SLC28A3: variants seen among roughly 807,000 people sequenced by gnomAD.
SLC28A3 encodes concentrative Na(+)-nucleoside cotransporter 3.
In SLC28A3, 68 loss-of-function variants were observed where a neutral mutation model predicts 84.2. The observed-to-expected ratio is 0.81, with a 90% CI of 0.66 to 0.99. The LOEUF (loss-of-function observed/expected upper bound fraction) is 0.99, where lower values mean the gene tolerates loss of function less well. Ranked by LOEUF, SLC28A3 falls within the 50% of genes least tolerant of loss-of-function variation. The pLI is 0.00. For synonymous variants in SLC28A3, 267 were observed against 303.6 expected (o/e 0.88, Z 1.25); for missense variants, 712 against 841.5 (o/e 0.85, Z 1.90).
chr9:84,287,918 G>T (rs2118126282), intron 12 of SLC28A3, 130 bp downstream of exon 12: 1 of 1,238,862 alleles, frequency 8.1e-7, no homozygotes, highest in South Asian at 1.5e-5. Flanking sequence ...AGTCTAAATA[G>T]TCTTTGGACT....
At chr9:84,292,831 G>T (rs11568419) in intron 9 of SLC28A3, 83 bp from the exon 10 acceptor site, 8 of 914,354 alleles carry the variant, frequency 8.7e-6, no homozygotes, top group Non-Finnish European at 9.6e-6. Context: ...TCCTTAAACT[G>T]GTGTAAAATA....
At chr9:84,319,654 T>G (rs1029559511) in intron 1 of SLC28A3, among the ~76,000 whole-genome samples, 1 of 152,242 alleles carries the variant, frequency 6.6e-6, no homozygotes, top group Non-Finnish European at 1.5e-5. Context: ...TGTTTATTAA[T>G]GTGTGACTAT....
intron 14 of SLC28A3, among the ~76,000 whole-genome samples, chr9:84,282,556 C>G (rs1318391199): frequency 6.6e-6 from 1 of 152,212 alleles, no homozygotes; most frequent in Admixed American, 6.5e-5. Flanking sequence ...GAAGGAACAT[C>G]CCTTTCACGG....
At position 84,288,276 on chromosome 9, in the gene SLC28A3, G is replaced by A. The variant is rs535352644; in HGVS notation, c.1150-98C>T. On this transcript the variant is annotated intron_variant, in intron 11 of 17. Transcript: ENST00000376238. ...CTCCGCAAGGGAAGAAACAGGGCAGGGGTTGTTTCTATTCCAGAAGACAAT... is the reference window on the plus strand; with the variant it reads ...CTCCGCAAGGGAAGAAACAGGGCAGAGGTTGTTTCTATTCCAGAAGACAAT... 4.1e-5 allele frequency: 63 copies of A among 1,528,826 alleles called. No homozygotes were observed. In the African/African-American group the frequency reaches 7.1e-4, roughly 17 times the overall value. The allele number at this position is 1,528,826 out of a possible 1,614,324, so 94.7% of individuals were successfully genotyped here.
intron 1 of SLC28A3, among the ~76,000 whole-genome samples, chr9:84,335,185 C>G (rs1826928436): frequency 6.6e-6 from 1 of 152,130 alleles, no homozygotes. Flanking sequence ...TAATTTCAAC[C>G]AACAGGCCTC....
At chr9:84,293,696 A>G (rs1825317132) in intron 9 of SLC28A3, among the ~76,000 whole-genome samples, 1 of 152,146 alleles carries the variant, frequency 6.6e-6, no homozygotes. Context: ...GTGTGTGTGT[A>G]TGCATGCACG....
At chr9:84,341,793 TC>T (rs1827163924), upstream of SLC28A3, among the ~76,000 whole-genome samples, 4 of 151,304 alleles carry the variant, frequency 2.6e-5, no homozygotes, top group South Asian at 8.3e-4. Flanking sequence ...ATAGGGATTT[TC>T]CCCCCTAGTA....
chr9:84,354,896 T>C, the SLC28A3 span, among the ~76,000 whole-genome samples: 1 of 151,416 alleles, frequency 6.6e-6, no homozygotes, highest in African/African-American at 2.4e-5. Context: ...AAGGAAACTC[T>C]GAAAAAAACC....
chr9:84,336,173 T>A (rs938848033), intron 1 of SLC28A3, among the ~76,000 whole-genome samples: 2 of 151,928 alleles, frequency 1.3e-5, no homozygotes, highest in Non-Finnish European at 2.9e-5. Context: ...GAGATCAGCC[T>A]GGGCAACATG....
the SLC28A3 span, among the ~76,000 whole-genome samples, chr9:84,348,586 G>A: frequency 6.6e-6 from 1 of 152,160 alleles, no homozygotes; most frequent in East Asian, 1.9e-4. Context: ...CATCTGCTGT[G>A]GATTGAATAT....
At chr9:84,358,001 C>T in the SLC28A3 span, among the ~76,000 whole-genome samples, 2 of 152,236 alleles carry the variant, frequency 1.3e-5, no homozygotes, top group African/African-American at 4.8e-5. Flanking sequence ...CACTCCATTT[C>T]ATCCCCTCAT....
chr9:84,305,330 C>T lies in SLC28A3; in HGVS notation c.258G>A (p.Arg86=). Residue 86 remains arginine (R), a synonymous_variant, in exon 4 of 18, where the codon AGG becomes AGA. Transcript: ENST00000376238. ...TACAGAAACCACATACTGTGTCATA[C>T]CTCCTTTCCAAACACCTGCAACATA... ...EMQQKGCLER[R]YDTVCGFCRK... is the part of the protein sequence containing the mutation. 1.2e-6 allele frequency: 2 copies of T among 1,613,150 alleles called. No homozygotes were observed. Among genetic ancestry groups the T allele is most frequent in the East Asian group, 2.2e-5 (1 of 44,860 alleles).
chr9:84,368,455 G>C, the SLC28A3 span, among the ~76,000 whole-genome samples: 1 of 152,012 alleles, frequency 6.6e-6, no homozygotes, highest in Non-Finnish European at 1.5e-5. Context: ...ACAGTACCTG[G>C]GTATCGCTGC....
At chr9:84,281,982 C>CAA (rs60273733) in intron 14 of SLC28A3, among the ~76,000 whole-genome samples, 47 of 151,404 alleles carry the variant, frequency 3.1e-4, no homozygotes, top group Non-Finnish European at 3.2e-4. Context: ...AAAAAACAAA[C>CAA]AAAAAAAACA....
chr9:84,333,139 G>A (rs1826849669), intron 1 of SLC28A3, among the ~76,000 whole-genome samples: 2 of 152,144 alleles, frequency 1.3e-5, no homozygotes, highest in South Asian at 4.1e-4. Context: ...AACAAAGGGG[G>A]CAAAGGAAAA....
Position 84,305,324 on chromosome 9 carries a change from G to A in SLC28A3, c.264C>T (p.Asp88=), listed in dbSNP as rs144051986. Residue 88 remains aspartate, a synonymous_variant, in exon 4 of 18, where the codon GAC becomes GAT. Transcript: ENST00000376238. Reference sequence around the variant, plus strand: ...GTTTCCTACAGAAACCACATACTGTGTCATACCTCCTTTCCAAACACCTGC... The same window carrying A: ...GTTTCCTACAGAAACCACATACTGTATCATACCTCCTTTCCAAACACCTGC... ...QQKGCLERRY[D]TVCGFCRKHK... The A allele has an allele frequency of 6.2e-7, 1 of 1,612,888 alleles. No homozygotes were observed. Among genetic ancestry groups the A allele is most frequent in the Non-Finnish European group, 8.5e-7 (1 of 1,179,822 alleles).
At chr9:84,323,484 G>A (rs1204961178) in intron 1 of SLC28A3, among the ~76,000 whole-genome samples, 1 of 150,834 alleles carries the variant, frequency 6.6e-6, no homozygotes, top group Non-Finnish European at 1.5e-5. Context: ...GAGTGCAGTG[G>A]CATGATCTCG....
At chr9:84,294,336 A>G (rs946069029) in intron 8 of SLC28A3, 61 bp from the exon 9 acceptor site, 3 of 1,498,854 alleles carry the variant, frequency 2.0e-6, no homozygotes, top group Non-Finnish European at 2.8e-6. Flanking sequence ...CAGGTTTTAT[A>G]TCAGGCCTCC....
chr9:84,286,242 T>C, intron 12 of SLC28A3, 131 bp from the exon 13 acceptor site: 1 of 759,476 alleles, frequency 1.3e-6, no homozygotes, highest in South Asian at 1.9e-5. Context: ...CTCAAAATAC[T>C]CACCTGAATC....
Sources: allele counts gnomAD v4.1 joint callset (sites outside exome capture counted in the v4.1 genomes callset), GRCh38; gene constraint gnomAD v4.1.1; transcripts MANE v1.5; gene names NCBI Gene and HGNC (gene_info 2026-07-23, HGNC 2026-07-21).